Variants in ACTA2 observed in about 807,000 individuals in gnomAD.
ACTA2 encodes actin, aortic smooth muscle.
A neutral mutation model predicts 39.5 loss-of-function variants in ACTA2; 12 were observed. The observed-to-expected ratio is 0.30, with a 90% CI of 0.19 to 0.49. ACTA2 has a LOEUF of 0.49. ACTA2 is among the 20% of genes least tolerant of loss of function. ACTA2 has a pLI of 0.99. For synonymous variants in ACTA2, 158 were observed against 180.6 expected, an observed-to-expected ratio of 0.88 and a Z score of 1.00; for missense variants, 236 against 498.8, an observed-to-expected ratio of 0.47 and a Z score of 5.02.
intron 1 of ACTA2, among the ~76,000 whole-genome samples, chr10:88,984,533 T>A (rs1429250634): frequency 6.6e-6 from 1 of 152,238 alleles, no homozygotes; most frequent in Non-Finnish European, 1.5e-5. Flanking sequence ...ATGCATCTAT[T>A]TGCTATATGA....
At chr10:88,983,638 A>AAC (rs755182708) in intron 1 of ACTA2, among the ~76,000 whole-genome samples, 3,622 of 102,368 alleles carry the variant, frequency 0.035, 129 homozygotes, top group African/African-American at 0.091. Context: ...AAAAAAAAAA[A>AAC]ACACACACAC....
chr10:88,947,794 A>C (rs1365731060), intron 2 of ACTA2, among the ~76,000 whole-genome samples: 2 of 152,210 alleles, frequency 1.3e-5, no homozygotes, highest in Non-Finnish European at 2.9e-5. Flanking sequence ...GTGTCTTATA[A>C]ATCCTTTAAA....
At chr10:88,981,854 C>T (rs1005569154) in intron 1 of ACTA2, among the ~76,000 whole-genome samples, 8 of 152,170 alleles carry the variant, frequency 5.3e-5, no homozygotes, top group Non-Finnish European at 1.0e-4. Flanking sequence ...ACTAAAAAGA[C>T]AGGCATTATC....
chr10:88,957,791 G>A (rs946469821), intron 1 of ACTA2, among the ~76,000 whole-genome samples: 1 of 151,388 alleles, frequency 6.6e-6, no homozygotes, highest in African/African-American at 2.4e-5. Context: ...TTTTTGAGCT[G>A]GAGTCTTGCT....
chr10:88,966,355 T>C (rs1037337038), intron 1 of ACTA2, among the ~76,000 whole-genome samples: 1 of 152,180 alleles, frequency 6.6e-6, no homozygotes, highest in African/African-American at 2.4e-5. Flanking sequence ...ACTGTGGGCC[T>C]GCATTCTATT....
intron 4 of ACTA2, among the ~76,000 whole-genome samples, chr10:88,942,326 GT>G (rs1426834532): frequency 6.6e-6 from 1 of 152,218 alleles, no homozygotes; most frequent in Non-Finnish European, 1.5e-5. Flanking sequence ...CAACATCCAG[GT>G]TTTGATTTCC....
chr10:88,972,297 A>G (rs1846464853), intron 1 of ACTA2, among the ~76,000 whole-genome samples: 1 of 152,094 alleles, frequency 6.6e-6, no homozygotes, highest in South Asian at 2.1e-4. Flanking sequence ...AAATTCAGCT[A>G]TTGTCTTGTC....
At chr10:88,970,868 TAAAA>T (rs1299413821) in intron 1 of ACTA2, among the ~76,000 whole-genome samples, 1 of 146,978 alleles carries the variant, frequency 6.8e-6, no homozygotes, top group East Asian at 2.0e-4. Flanking sequence ...TAAAGTATAA[TAAAA>T]AAGTGTGTGT....
At chr10:88,981,220 C>T (rs577190450) in intron 1 of ACTA2, among the ~76,000 whole-genome samples, 7 of 152,324 alleles carry the variant, frequency 4.6e-5, no homozygotes, top group Non-Finnish European at 8.8e-5. Context: ...TAGTTAAACT[C>T]ACCTAACCTA....
At chr10:88,991,025 G>A (rs954167398) in exon 1 of ACTA2, 11 of 1,399,370 alleles carry the variant, frequency 7.9e-6, no homozygotes, top group African/African-American at 7.1e-5. Flanking sequence ...CGGGCACCTG[G>A]GAGCGGCGGG....
chr10:88,989,759 T>C (rs1041728908), intron 1 of ACTA2, among the ~76,000 whole-genome samples: 1 of 152,142 alleles, frequency 6.6e-6, no homozygotes, highest in Non-Finnish European at 1.5e-5. Flanking sequence ...TTGAATCTAA[T>C]TGGGAAGGGA....
chr10:88,942,014 T>C, intron 4 of ACTA2, 145 bp from the exon 5 acceptor site: 2 of 729,260 alleles, frequency 2.7e-6, no homozygotes, highest in East Asian at 2.7e-5. Context: ...AGAACAGCCC[T>C]GGTCACGTTA....
chr10:88,961,620 A>G (rs1846227699), intron 1 of ACTA2, among the ~76,000 whole-genome samples: 1 of 152,198 alleles, frequency 6.6e-6, no homozygotes, highest in African/African-American at 2.4e-5. Flanking sequence ...CCCTCAGTGT[A>G]GAGATCCACA....
intron 1 of ACTA2, among the ~76,000 whole-genome samples, chr10:88,960,766 C>T (rs892074630): frequency 4.0e-5 from 6 of 150,426 alleles, no homozygotes; most frequent in Non-Finnish European, 6.0e-5. Context: ...AGTTAGTTTA[C>T]GGTGTAAAGG....
At chr10:88,963,200 A>G (rs1312351615) in intron 1 of ACTA2, among the ~76,000 whole-genome samples, 3 of 151,628 alleles carry the variant, frequency 2.0e-5, no homozygotes. Context: ...CATATCAGTA[A>G]GAAAATCAGA....
Position 88,935,085 on chromosome 10 carries a change from C to A in ACTA2, c.*138G>T. The A allele has an allele frequency of 8.0e-7, 1 of 1,253,358 alleles. No individual in the cohort carries two copies. Among genetic ancestry groups the A allele is most frequent in the Non-Finnish European group, 1.1e-6 (1 of 883,774 alleles). 77.6% of individuals were successfully genotyped at this position (1,253,358 alleles called of 1,614,324 possible). A position where few individuals can be genotyped will look rare whatever the true frequency, so the allele number is the denominator to read the frequency against. On this transcript the variant is annotated 3_prime_UTR_variant, in exon 9 of 9. Transcript: ENST00000224784. ...GCCAACGCAAGAAGTTACCAGTAGCCTATTTCAGATTTATTAAAAAACACA... is the reference window on the plus strand; with the variant it reads ...GCCAACGCAAGAAGTTACCAGTAGCATATTTCAGATTTATTAAAAAACACA...
intron 1 of ACTA2, among the ~76,000 whole-genome samples, chr10:88,964,320 C>T (rs1050988000): frequency 1.3e-5 from 2 of 152,146 alleles, no homozygotes; most frequent in African/African-American, 4.8e-5. Flanking sequence ...ATGAGCAATT[C>T]TCAAAGAAGT....
chr10:88,964,039 A>C (rs573400171), intron 1 of ACTA2, among the ~76,000 whole-genome samples: 1 of 151,182 alleles, frequency 6.6e-6, no homozygotes, highest in Non-Finnish European at 1.5e-5. Context: ...GTTTAGTTTC[A>C]TATGTTTTTA....
intron 7 of ACTA2, 183 bp downstream of exon 7, chr10:88,939,324 A>G (rs1354492396): frequency 2.8e-6 from 2 of 726,502 alleles, no homozygotes; most frequent in African/African-American, 3.5e-5. Flanking sequence ...TCTTAGGAAG[A>G]AAACCTTTTT....
Sources: gnomAD v4.1 joint callset for allele counts (sites outside exome capture counted in the v4.1 genomes callset) on GRCh38, gnomAD v4.1.1 for gene constraint, MANE v1.5 for transcripts, NCBI Gene and HGNC (gene_info 2026-07-23, HGNC 2026-07-21) for gene names.